The following NFATC1 variants were observed in gnomAD, a reference collection of about 807,000 sequenced individuals.
The protein encoded by NFATC1 is nuclear factor of activated T cells 1.
In NFATC1, 22 loss-of-function variants were observed where a neutral mutation model predicts 76.0. The observed-to-expected ratio is 0.29, with a 90% confidence interval of 0.21 to 0.41. The LOEUF (loss-of-function observed/expected upper bound fraction) is 0.41. Ranked by LOEUF, NFATC1 falls within the 10% of genes least tolerant of loss-of-function variation. The pLI is 1.00. For missense variants in NFATC1, 1,357 were observed against 1,337.7 expected (o/e 1.01, Z -0.23); for synonymous variants, 704 against 613.1 (o/e 1.15, Z -2.19).
chr18:79,519,464 C>A (rs944981478), intron 9 of NFATC1, among the ~76,000 whole-genome samples: 1 of 152,188 alleles, frequency 6.6e-6, no homozygotes, highest in Non-Finnish European at 1.5e-5. Context: ...TCCCAAGTAG[C>A]TGGGACCACA....
At position 79,503,985 on chromosome 18, in the gene NFATC1, G is replaced by A. The variant is rs371087483; in HGVS notation, c.2782+17048G>A. ...GCAGCTTCCTCATCTCTCAGCCTTC[G>A]TAGGACAGAGAGAGCGAGGGTCTTG... On this transcript the variant is annotated intron_variant, in intron 9 of 9. Transcript: ENST00000427363. 9.9e-5 allele frequency among the ~76,000 whole-genome samples: 15 copies of A among 152,236 alleles called. No individual in the cohort carries two copies. In the East Asian group the frequency reaches 2.3e-3, roughly 23 times the overall value.
chr18:79,461,338 C>T lies in NFATC1; in HGVS notation c.1931C>T (p.Ala644Val), dbSNP rs780648905. The T allele has an allele frequency of 2.7e-6, 4 of 1,495,898 alleles. No individual in the cohort carries two copies. Among genetic ancestry groups the T allele is most frequent in the Admixed American group, 1.9e-5 (1 of 53,282 alleles). 92.7% of individuals were successfully genotyped at this position (1,495,898 alleles called of 1,614,324 possible). Residue 644 changes from alanine to valine, a missense_variant, in exon 7 of 10, where the codon GCG (alanine) becomes GTG (valine). Physicochemically the swap from Ala to Val is moderately conservative, Grantham distance 64. This residue lies in a region of NFATC1 where 242 missense variants were observed against 329.2 expected (regional missense o/e 0.74). Coordinates refer to ENST00000427363, the MANE Select transcript of NFATC1 (RefSeq NM_001278669.2). ...GGCCACCATGTCTGGGAGATGGAAG[C>T]GAAAACTGACCGGGACCTGTGCAAG... ...PDGHHVWEME[A>V]KTDRDLCKPN...
chr18:79,470,143 TC>T, intron 8 of NFATC1: 1 of 333,024 alleles, frequency 3.0e-6, no homozygotes, highest in Non-Finnish European at 4.3e-6. Context: ...TGTCTTGGGG[TC>T]CAGCTCAGAT....
At chr18:79,489,842 C>T (rs1323289835) in intron 9 of NFATC1, among the ~76,000 whole-genome samples, 8 of 152,244 alleles carry the variant, frequency 5.3e-5, no homozygotes, top group Admixed American at 5.2e-4. Flanking sequence ...GCCTCCATAA[C>T]CTGGGAGCAG....
intron 9 of NFATC1, among the ~76,000 whole-genome samples, chr18:79,522,048 G>C (rs1457679579): frequency 2.1e-4 from 22 of 104,616 alleles, no homozygotes; most frequent in Non-Finnish European, 3.7e-4. Flanking sequence ...TTTTGTGTGT[G>C]GGGAGGGGGC....
In NFATC1 at chr18:79,451,143, G is replaced by A. The variant is rs776169796; in HGVS notation, c.1762+17G>A. ...TCGAATGCTGTAAGTGGACGTCCAC[G>A]CGCCCACAGGGGAGGAAACCGTCCC... is the stretch of plus-strand genomic sequence containing the variant. On this transcript the variant is annotated intron_variant, in intron 5 of 9. Coordinates refer to ENST00000427363, the MANE Select transcript of NFATC1 (RefSeq NM_001278669.2). 1.4e-5 allele frequency: 22 copies of A among 1,599,234 alleles called. 1 individual carries two copies. Among genetic ancestry groups the A allele is most frequent in the African/African-American group, 1.3e-4 (10 of 74,644 alleles).
chr18:79,433,331 C>T (rs1332554256), intron 2 of NFATC1, among the ~76,000 whole-genome samples: 1 of 152,168 alleles, frequency 6.6e-6, no homozygotes, highest in African/African-American at 2.4e-5. Flanking sequence ...AGAAGCCTGT[C>T]ATGAAGGAAG....
In NFATC1 at chr18:79,396,109, G is replaced by C; in HGVS notation, c.-116G>C. On this transcript the variant is annotated 5_prime_UTR_variant, in exon 1 of 10. Transcript: ENST00000427363. ...CCTCGATGACTTTCCTCCGGGGCGCGCGGCGCTGAGCCCGGGGCGAGGGCT... is the reference window on the plus strand; with the variant it reads ...CCTCGATGACTTTCCTCCGGGGCGCCCGGCGCTGAGCCCGGGGCGAGGGCT... 8.6e-7 allele frequency: 1 copy of C among 1,168,582 alleles called. No homozygotes were observed. Among genetic ancestry groups the C allele is most frequent in the South Asian group, 2.8e-5 (1 of 35,384 alleles). The allele number at this position is 1,168,582 out of a possible 1,614,324, so 72.4% of individuals were successfully genotyped here.
In NFATC1 at chr18:79,507,022, G is replaced by A. The variant is rs140983706; in HGVS notation, c.2782+20085G>A. On this transcript the variant is annotated intron_variant, in intron 9 of 9. Coordinates refer to ENST00000427363, the MANE Select transcript of NFATC1 (RefSeq NM_001278669.2). ...TACTGGGACAATGGACCCAGCGGCC[G>A]GGCCAGCCCTCCCCTAGTTATCACC... is the stretch of plus-strand genomic sequence containing the variant. Among the ~76,000 whole-genome samples the A allele has an allele frequency of 2.6e-3, 399 of 152,320 alleles. 2 individuals carry two copies. The highest frequency in any genetic ancestry group is 4.0e-3 in the Non-Finnish European group (270 of 68,036).
intron 3 of NFATC1, among the ~76,000 whole-genome samples, chr18:79,438,528 C>T (rs1243326214): frequency 6.6e-6 from 1 of 152,232 alleles, no homozygotes; most frequent in East Asian, 1.9e-4. Context: ...TCTCACCCAT[C>T]ACACGGGAGG....
chr18:79,414,191 G>T (rs940305152), intron 2 of NFATC1, among the ~76,000 whole-genome samples: 7 of 152,030 alleles, frequency 4.6e-5, no homozygotes, highest in Admixed American at 3.9e-4. Flanking sequence ...CCCCAGGAAT[G>T]CCTCTCCGTC....
At chr18:79,484,857 A>T (rs371876716) in intron 8 of NFATC1, among the ~76,000 whole-genome samples, 9 of 152,220 alleles carry the variant, frequency 5.9e-5, no homozygotes, top group South Asian at 2.1e-4. Context: ...CGGGGGGGGA[A>T]GAGGGCGGCT....
chr18:79,439,679 T>C (rs1412058416), intron 3 of NFATC1, among the ~76,000 whole-genome samples: 1 of 152,232 alleles, frequency 6.6e-6, no homozygotes, highest in Non-Finnish European at 1.5e-5. Context: ...GGGCTGTGTC[T>C]GTTTTCCCAG....
intron 2 of NFATC1, among the ~76,000 whole-genome samples, chr18:79,425,203 C>CTGTGTCTGTCTG (rs1568944758): frequency 1.3e-5 from 2 of 150,120 alleles, no homozygotes; most frequent in Non-Finnish European, 3.0e-5. Flanking sequence ...CTCTGTTTCT[C>CTGTGTCTGTCTG]TCCCTGTCTC....
intron 1 of NFATC1, among the ~76,000 whole-genome samples, chr18:79,405,678 G>A (rs571310969): frequency 7.2e-5 from 11 of 152,330 alleles, no homozygotes; most frequent in African/African-American, 2.6e-4. Flanking sequence ...CTGGGCGAGG[G>A]ATCCTAATGA....
chr18:79,486,971 G>A (rs762798216), intron 9 of NFATC1, 34 bp downstream of exon 9: 51 of 1,555,790 alleles, frequency 3.3e-5, no homozygotes, highest in East Asian at 9.1e-5. Context: ...TGTGTGCCCC[G>A]CCTGGCGCCA....
chr18:79,515,364 A>C (rs1340636366), intron 9 of NFATC1, among the ~76,000 whole-genome samples: 19 of 148,578 alleles, frequency 1.3e-4, no homozygotes, highest in Admixed American at 1.3e-3. Context: ...AAAAAGAAGG[A>C]AGGCAAGTTT....
chr18:79,491,847 C>T (rs1020016336), intron 9 of NFATC1, among the ~76,000 whole-genome samples: 3 of 152,150 alleles, frequency 2.0e-5, no homozygotes, highest in Middle Eastern at 3.4e-3. Context: ...GGCCCCTGGG[C>T]ACCCAGCCAT....
intron 8 of NFATC1, among the ~76,000 whole-genome samples, chr18:79,480,462 C>T (rs928632776): frequency 2.0e-5 from 3 of 152,136 alleles, no homozygotes; most frequent in Admixed American, 2.0e-4. Context: ...GCCCGTGCGT[C>T]CCGATGCCAC....
Sources: gnomAD v4.1 joint callset for allele counts (sites outside exome capture counted in the v4.1 genomes callset) on GRCh38, gnomAD v4.1.1 for gene constraint, gnomAD v4.1.1 regional missense constraint, MANE v1.5 for transcripts, NCBI Gene and HGNC (gene_info 2026-07-23, HGNC 2026-07-21) for gene names.